The following CPNE8 variants were observed in gnomAD, a reference collection of about 807,000 sequenced individuals.
The protein encoded by CPNE8 is copine 8.
Under a neutral mutation model 81.5 loss-of-function variants are expected in CPNE8, and 45 were observed. That is an observed-to-expected ratio of 0.55 (90% CI 0.44 to 0.71). CPNE8 has a LOEUF of 0.71. Among genes scored for constraint, CPNE8 ranks in the 30% least tolerant of loss-of-function variants. CPNE8 has a pLI of 0.00. For missense variants in CPNE8, 594 were observed against 672.1 expected (o/e 0.88, Z 1.28); for synonymous variants, 252 against 226.3 (o/e 1.11, Z -1.02).
chr12:38,758,141 GAACA>G (rs1281401774), intron 10 of CPNE8, among the ~76,000 whole-genome samples: 2 of 123,830 alleles, frequency 1.6e-5, no homozygotes, highest in African/African-American at 6.1e-5. Context: ...AATCATCTGT[GAACA>G]AACTCTCTCT....
rs1196738566 is a variant in CPNE8 at position 38,675,763 on chromosome 12, A to G, written c.1386T>C (p.Leu462=). The G allele has an allele frequency of 3.1e-6, 5 of 1,602,880 alleles. No homozygotes were observed. In the East Asian group the frequency reaches 1.1e-4, roughly 36 times the overall value. ...TKESIVNASK[L]PMSIIIVGVG... ...CACCTACTATAATTATTGACATTGG[A>G]AGTTTTGAGGCCTTCAAAGAGAATA... Residue 462 remains leucine (L), a synonymous_variant, in exon 18 of 20, where the codon CTT becomes CTC. Coordinates refer to ENST00000331366, the MANE Select transcript of CPNE8 (RefSeq NM_153634.3).
intron 6 of CPNE8, among the ~76,000 whole-genome samples, chr12:38,787,201 T>C (rs950169343): frequency 6.6e-6 from 1 of 152,056 alleles, no homozygotes; most frequent in Admixed American, 6.6e-5. Flanking sequence ...GGACCATATT[T>C]TATGTCACAA....
intron 1 of CPNE8, 91 bp downstream of exon 1, chr12:38,905,346 C>A (rs1477216037): frequency 1.8e-5 from 26 of 1,433,078 alleles, no homozygotes; most frequent in Non-Finnish European, 2.5e-5. Context: ...TTCTTGCCTG[C>A]GCAAAGCCTC....
At chr12:38,686,175 A>T (rs1011229699) in intron 15 of CPNE8, among the ~76,000 whole-genome samples, 1 of 152,242 alleles carries the variant, frequency 6.6e-6, no homozygotes, top group Admixed American at 6.5e-5. Context: ...CTGCCACATG[A>T]ACATTTTCAG....
At chr12:38,766,143 C>T (rs1941683346) in intron 8 of CPNE8, among the ~76,000 whole-genome samples, 1 of 152,144 alleles carries the variant, frequency 6.6e-6, no homozygotes, top group African/African-American at 2.4e-5. Flanking sequence ...CAGGCGTGAG[C>T]CACCGCGCCT....
At chr12:38,671,467 T>A (rs1425614903) in intron 18 of CPNE8, among the ~76,000 whole-genome samples, 1 of 152,214 alleles carries the variant, frequency 6.6e-6, no homozygotes, top group Non-Finnish European at 1.5e-5. Flanking sequence ...TGCTGGGATA[T>A]AATGGGACAG....
chr12:38,818,818 T>C (rs954348485), intron 6 of CPNE8, among the ~76,000 whole-genome samples: 1 of 152,208 alleles, frequency 6.6e-6, no homozygotes, highest in African/African-American at 2.4e-5. Flanking sequence ...TTTTAATGAT[T>C]GCCATTCTAA....
chr12:38,679,855 G>A (rs1342073969), intron 16 of CPNE8: 2 of 280,698 alleles, frequency 7.1e-6, no homozygotes, highest in Non-Finnish European at 1.1e-5. Flanking sequence ...CTACAGAAAT[G>A]GATGAAGTAA....
chr12:38,796,015 C>CT (rs1192161286), intron 6 of CPNE8, among the ~76,000 whole-genome samples: 3 of 152,168 alleles, frequency 2.0e-5, no homozygotes, highest in Admixed American at 6.5e-5. Flanking sequence ...AATCCCAGCA[C>CT]TTTGAGAGGC....
chr12:38,889,008 G>C (rs191439966), intron 1 of CPNE8, among the ~76,000 whole-genome samples: 1 of 152,280 alleles, frequency 6.6e-6, no homozygotes, highest in East Asian at 1.9e-4. Context: ...CACTGGACTA[G>C]AAGCTAAGTG....
chr12:38,882,322 A>C (rs1944172205), intron 1 of CPNE8, among the ~76,000 whole-genome samples: 1 of 152,164 alleles, frequency 6.6e-6, no homozygotes, highest in African/African-American at 2.4e-5. Flanking sequence ...TCACAAGCCA[A>C]AGCATGCTAG....
intron 5 of CPNE8, among the ~76,000 whole-genome samples, chr12:38,833,351 CAAAAAAAA>C (rs774534221): frequency 1.6e-5 from 1 of 61,870 alleles, no homozygotes; most frequent in African/African-American, 5.2e-5. Context: ...GACCTTATCT[CAAAAAAAA>C]AAAAAAAAAA....
intron 14 of CPNE8, among the ~76,000 whole-genome samples, chr12:38,699,877 G>A (rs1168929412): frequency 1.3e-5 from 2 of 151,958 alleles, no homozygotes; most frequent in Non-Finnish European, 2.9e-5. Flanking sequence ...TTGTTTCTTG[G>A]AAGTGCATTA....
chr12:38,836,140 ACAG>A (rs1396714502), intron 5 of CPNE8, among the ~76,000 whole-genome samples: 1 of 152,168 alleles, frequency 6.6e-6, no homozygotes, highest in East Asian at 1.9e-4. Flanking sequence ...CTAGTACCTT[ACAG>A]AACAAACTCA....
chr12:38,836,973 T>G (rs1364812597), intron 5 of CPNE8, among the ~76,000 whole-genome samples: 2 of 152,182 alleles, frequency 1.3e-5, no homozygotes, highest in Non-Finnish European at 2.9e-5. Flanking sequence ...TTCACCTACT[T>G]ATAAGCTCAG....
chr12:38,794,077 G>T (rs776642535), intron 6 of CPNE8, among the ~76,000 whole-genome samples: 3 of 151,994 alleles, frequency 2.0e-5, no homozygotes, highest in African/African-American at 7.2e-5. Flanking sequence ...ATGGATTAAA[G>T]ACTTAAACAT....
chr12:38,816,822 A>G (rs1943031858), intron 6 of CPNE8, among the ~76,000 whole-genome samples: 2 of 152,210 alleles, frequency 1.3e-5, no homozygotes, highest in Admixed American at 1.3e-4. Flanking sequence ...ATTGAGAGCC[A>G]GTTGATCTAT....
intron 6 of CPNE8, among the ~76,000 whole-genome samples, chr12:38,796,955 G>T (rs1454596416): frequency 6.6e-6 from 1 of 152,216 alleles, no homozygotes; most frequent in Non-Finnish European, 1.5e-5. Context: ...TAGCACAGCA[G>T]TATGAGATCA....
intron 13 of CPNE8, among the ~76,000 whole-genome samples, chr12:38,719,127 C>T (rs552843774): frequency 2.0e-5 from 3 of 152,010 alleles, no homozygotes; most frequent in South Asian, 4.2e-4. Flanking sequence ...CATGGAAGAG[C>T]TGGAAGATTG....
Sources: gnomAD v4.1 joint callset for allele counts (sites outside exome capture counted in the v4.1 genomes callset) on GRCh38, gnomAD v4.1.1 for gene constraint, MANE v1.5 for transcripts, NCBI Gene and HGNC (gene_info 2026-07-23, HGNC 2026-07-21) for gene names.